EYA1: variants seen among roughly 807,000 people sequenced by gnomAD.
EYA1 encodes protein phosphatase EYA1.
In EYA1, 16 loss-of-function variants were observed where a neutral mutation model predicts 82.0. The ratio of observed to expected loss-of-function variants is 0.20; its 90% confidence interval spans 0.13 to 0.30. The LOEUF (loss-of-function observed/expected upper bound fraction) is 0.30. Among genes scored for constraint, EYA1 ranks in the 10% least tolerant of loss-of-function variants. The pLI is 1.00. For synonymous variants in EYA1, 261 were observed against 264.4 expected (o/e 0.99, Z 0.12); for missense variants, 633 against 730.7 (o/e 0.87, Z 1.54).
intron 2 of EYA1, among the ~76,000 whole-genome samples, chr8:71,507,208 A>G (rs1204818921): frequency 1.3e-5 from 2 of 152,188 alleles, no homozygotes; most frequent in Non-Finnish European, 2.9e-5. Context: ...ACACCAGGAC[A>G]TTAGAGACAC....
intron 3 of EYA1, among the ~76,000 whole-genome samples, chr8:71,344,248 CT>C (rs2129056238): frequency 6.6e-6 from 1 of 152,030 alleles, no homozygotes; most frequent in African/African-American, 2.4e-5. Context: ...ATATTTTTAG[CT>C]TATTATAATA....
intron 7 of EYA1, among the ~76,000 whole-genome samples, chr8:71,303,863 A>G (rs1182108262): frequency 1.4e-5 from 2 of 142,376 alleles, no homozygotes; most frequent in Non-Finnish European, 3.2e-5. Context: ...GATCATTCCC[A>G]TTTTGCAGAT....
chr8:71,292,237 C>T (rs1047890218), intron 9 of EYA1, among the ~76,000 whole-genome samples: 1 of 152,058 alleles, frequency 6.6e-6, no homozygotes. Flanking sequence ...CTCTATACCT[C>T]AGTGGCTAGG....
At chr8:71,380,957 C>G (rs999396644) in intron 2 of EYA1, among the ~76,000 whole-genome samples, 1 of 152,262 alleles carries the variant, frequency 6.6e-6, no homozygotes, top group Admixed American at 6.5e-5. Flanking sequence ...GCAGGTCCCA[C>G]TGCCACCAGT....
Position 71,361,725 on chromosome 8 carries a change from T to G in EYA1, c.-133A>C. The G allele has an allele frequency of 1.0e-6, 1 of 985,506 alleles. No individual in the cohort carries two copies. The highest frequency in any genetic ancestry group is 1.1e-4 in the East Asian group (1 of 8,806). 61.0% of individuals were successfully genotyped at this position (985,506 alleles called of 1,614,324 possible). A position where few individuals can be genotyped will look rare whatever the true frequency, so the allele number is the denominator to read the frequency against. On this transcript the variant is annotated 5_prime_UTR_variant, in exon 1 of 18. The change abolishes an upstream ATG in the 5' untranslated region. Transcript: ENST00000340726. The stretch of plus-strand genomic sequence containing the variant: ...GGTTAGCAAACCTCCATTCCTGACA[T>G]AGTTTTGCTCCTGGATGGGTACGCG...
intron 2 of EYA1, among the ~76,000 whole-genome samples, chr8:71,434,085 G>C (rs1344975952): frequency 6.6e-6 from 1 of 152,158 alleles, no homozygotes; most frequent in East Asian, 1.9e-4. Context: ...TGTGAAAGGA[G>C]AAGCAGAATT....
chr8:71,248,067 A>T (rs1813319482), intron 11 of EYA1, among the ~76,000 whole-genome samples: 1 of 152,278 alleles, frequency 6.6e-6, no homozygotes, highest in East Asian at 1.9e-4. Flanking sequence ...TTCTTCATAA[A>T]TTACAGTAAT....
chr8:71,548,070 G>C (rs1490994586), exon 1 of EYA1: 3 of 152,276 alleles, frequency 2.0e-5, no homozygotes, highest in Admixed American at 2.0e-4. Flanking sequence ...CCTCCGGGTC[G>C]AGGGGCGCCC....
chr8:71,396,570 A>T (rs1049701039), intron 2 of EYA1, among the ~76,000 whole-genome samples: 1 of 152,084 alleles, frequency 6.6e-6, no homozygotes, highest in Non-Finnish European at 1.5e-5. Context: ...ATTCAGGAGC[A>T]GTTGTTCAGT....
rs546109060 is a variant in EYA1, at chr8:71,322,521, C to T, written c.203-253G>A. The T allele has an allele frequency of 5.4e-4, 268 of 492,540 alleles. 2 individuals are homozygous for T. Among genetic ancestry groups the T allele is most frequent in the African/African-American group, 4.8e-3 (249 of 51,350 alleles). The allele number at this position is 492,540 out of a possible 1,614,324, so 30.5% of individuals were successfully genotyped here. A position where few individuals can be genotyped will look rare whatever the true frequency, so the allele number is the denominator to read the frequency against. On this transcript the variant is annotated intron_variant, in intron 4 of 17. Coordinates refer to ENST00000340726, the MANE Select transcript of EYA1 (RefSeq NM_000503.6). ...TCTTAGAAAACGTCATCACAATCTTCGCAAATACCTGCTGGCATGCTGTGA... is the reference window on the plus strand; with the variant it reads ...TCTTAGAAAACGTCATCACAATCTTTGCAAATACCTGCTGGCATGCTGTGA...
chr8:71,354,230 C>T (rs970236801), intron 3 of EYA1, among the ~76,000 whole-genome samples: 4 of 151,996 alleles, frequency 2.6e-5, no homozygotes, highest in African/African-American at 9.7e-5. Flanking sequence ...GTGTGTATAT[C>T]ACCTAAATGC....
At chr8:71,539,205 T>A (rs1341304111) in intron 1 of EYA1, among the ~76,000 whole-genome samples, 1 of 139,600 alleles carries the variant, frequency 7.2e-6, no homozygotes, top group East Asian at 2.2e-4. Context: ...CTGCATCAAC[T>A]CCTTAAGTAG....
chr8:71,376,552 G>C (rs760250678), intron 2 of EYA1, among the ~76,000 whole-genome samples: 10 of 152,140 alleles, frequency 6.6e-5, no homozygotes, highest in Non-Finnish European at 1.0e-4. Flanking sequence ...TAGTAGTCCA[G>C]GTGAAAGGAG....
chr8:71,254,243 C>CA (rs56047377), intron 11 of EYA1, among the ~76,000 whole-genome samples: 1,265 of 51,382 alleles, frequency 0.025, 9 homozygotes, highest in East Asian at 0.051. Context: ...AAGTCTTGGC[C>CA]AAAAAAAAAA....
At chr8:71,392,303 G>A (rs980085590) in intron 2 of EYA1, among the ~76,000 whole-genome samples, 4 of 152,088 alleles carry the variant, frequency 2.6e-5, no homozygotes, top group African/African-American at 9.7e-5. Context: ...CTAGTTTCAT[G>A]TCCAAAAAGA....
At position 71,282,099 on chromosome 8, in the gene EYA1, C is replaced by T. The variant is rs528480989; in HGVS notation, c.827-10202G>A. Reference sequence around the variant, plus strand: ...CACTCTCTCTACTCTCCTTGCCAGGCTCTCCCCACCCGTAAGTACTCTGTA... The same window carrying T: ...CACTCTCTCTACTCTCCTTGCCAGGTTCTCCCCACCCGTAAGTACTCTGTA... On this transcript the variant is annotated intron_variant, in intron 9 of 17. Coordinates refer to ENST00000340726, the MANE Select transcript of EYA1 (RefSeq NM_000503.6). 5.3e-5 allele frequency among the ~76,000 whole-genome samples: 8 copies of T among 152,300 alleles called. No individual in the cohort carries two copies. The East Asian group carries it at 9.7e-4, about 18-fold the overall frequency.
chr8:71,510,403 C>T (rs1209984401), intron 2 of EYA1, among the ~76,000 whole-genome samples: 1 of 152,100 alleles, frequency 6.6e-6, no homozygotes. Context: ...AGTCCGTTCT[C>T]ATGCTGCTAT....
intron 12 of EYA1, among the ~76,000 whole-genome samples, chr8:71,226,807 T>G (rs1810617104): frequency 1.3e-5 from 2 of 151,780 alleles, no homozygotes; most frequent in African/African-American, 4.8e-5. Flanking sequence ...GATCCGTCTT[T>G]TATTAAGTTA....
chr8:71,375,418 T>A (rs1424147504), intron 2 of EYA1, among the ~76,000 whole-genome samples: 1 of 152,062 alleles, frequency 6.6e-6, no homozygotes, highest in Non-Finnish European at 1.5e-5. Context: ...ACTGGCAGTA[T>A]TTGTGTGTGA....
Sources: gnomAD v4.1 joint callset for allele counts (sites outside exome capture counted in the v4.1 genomes callset) on GRCh38, gnomAD v4.1.1 for gene constraint, MANE v1.5 for transcripts, NCBI Gene and HGNC (gene_info 2026-07-23, HGNC 2026-07-21) for gene names.